Variants in STRN observed in about 807,000 individuals in gnomAD.
STRN encodes striatin.
A neutral mutation model predicts 96.3 loss-of-function variants in STRN; 53 were observed. That is an observed-to-expected ratio of 0.55 (90% CI 0.44 to 0.69). The LOEUF (loss-of-function observed/expected upper bound fraction) is 0.69, where lower values mean the gene tolerates loss of function less well. Among genes scored for constraint, STRN ranks in the 30% least tolerant of loss-of-function variants. The probability of loss-of-function intolerance (pLI) is 0.00; values close to 1 mark genes in which losing one functional copy is unlikely to be tolerated. For missense variants in STRN, 987 were observed against 963.9 expected, an observed-to-expected ratio of 1.02 and a Z score of -0.32; for synonymous variants, 428 against 355.9, an observed-to-expected ratio of 1.20 and a Z score of -2.28.
intron 6 of STRN, among the ~76,000 whole-genome samples, chr2:36,898,632 A>C (rs905313154): frequency 1.3e-5 from 2 of 152,222 alleles, no homozygotes; most frequent in Non-Finnish European, 2.9e-5. Flanking sequence ...GCTATTTATA[A>C]CAATCCTCAT....
intron 8 of STRN, among the ~76,000 whole-genome samples, chr2:36,885,640 G>T (rs141991966): frequency 6.6e-6 from 1 of 152,006 alleles, no homozygotes; most frequent in Admixed American, 6.6e-5. Flanking sequence ...CTAAACGCTT[G>T]TAATTTCTAA....
rs1299969382 is a variant in STRN at position 36,839,970 on chromosome 2, TTA to T, written c.*9484_*9485del. On this transcript the variant is annotated 3_prime_UTR_variant, in exon 18 of 18. Transcript: ENST00000263918. ...AAAGACAGAGATGTTCCTAGGAGAG[TTA>T]ATAAACATTGGTACAATTACTATAA... 3.3e-5 allele frequency: 5 copies of T among 151,946 alleles called. No homozygotes were observed. Among genetic ancestry groups the T allele is most frequent in the Admixed American group, 2.0e-4 (3 of 15,244 alleles). 9.4% of individuals were successfully genotyped at this position (151,946 alleles called of 1,614,324 possible).
At chr2:36,946,200 GAA>G (rs1326932919) in intron 1 of STRN, among the ~76,000 whole-genome samples, 2 of 149,932 alleles carry the variant, frequency 1.3e-5, no homozygotes, top group East Asian at 3.9e-4. Context: ...GAAAATACTA[GAA>G]AAAGAGAGGT....
rs982528476 is a variant in STRN at position 36,841,317 on chromosome 2, C to T, written c.*8139G>A. The T allele has an allele frequency of 1.3e-5, 2 of 151,982 alleles. No homozygotes were observed. Among genetic ancestry groups the T allele is most frequent in the Admixed American group, 1.3e-4 (2 of 15,242 alleles). The allele number at this position is 151,982 out of a possible 1,614,324, so 9.4% of individuals were successfully genotyped here. On this transcript the variant is annotated 3_prime_UTR_variant, in exon 18 of 18. Coordinates refer to ENST00000263918, the MANE Select transcript of STRN (RefSeq NM_003162.4). The stretch of plus-strand genomic sequence containing the variant: ...CCCTGAGATATACAAGGAAACTGAA[C>T]AAATACCAGGCAGCAAAATACTGAG...
At chr2:36,942,542 T>C (rs1670871536) in intron 1 of STRN, among the ~76,000 whole-genome samples, 1 of 152,194 alleles carries the variant, frequency 6.6e-6, no homozygotes, top group South Asian at 2.1e-4. Flanking sequence ...TTTAAAAAGA[T>C]TTCCCATGGA....
chr2:36,894,250 A>G (rs1669481706), intron 6 of STRN, among the ~76,000 whole-genome samples: 1 of 152,236 alleles, frequency 6.6e-6, no homozygotes. Flanking sequence ...GCTTGTTTTA[A>G]GTAAACTAAC....
At chr2:36,872,123 T>C (rs961896008) in intron 10 of STRN, among the ~76,000 whole-genome samples, 8 of 152,224 alleles carry the variant, frequency 5.3e-5, no homozygotes, top group South Asian at 2.1e-4. Flanking sequence ...CACTTCCTTA[T>C]AGGTAAACCT....
At chr2:36,954,851 C>A (rs948443107) in intron 1 of STRN, among the ~76,000 whole-genome samples, 2 of 152,006 alleles carry the variant, frequency 1.3e-5, no homozygotes, top group Admixed American at 6.6e-5. Context: ...GTTAGCTGGG[C>A]TGGTCTCAAA....
intron 5 of STRN, among the ~76,000 whole-genome samples, chr2:36,901,766 AGGC>A (rs1669689841): frequency 6.6e-6 from 1 of 152,200 alleles, no homozygotes; most frequent in African/African-American, 2.4e-5. Context: ...ATACATTTTA[AGGC>A]TCCAAGGAAC....
At chr2:36,881,805 T>C (rs574155744) in intron 9 of STRN, among the ~76,000 whole-genome samples, 1 of 152,240 alleles carries the variant, frequency 6.6e-6, no homozygotes, top group Non-Finnish European at 1.5e-5. Flanking sequence ...TGGCCTGAGA[T>C]GAAATCTGAT....
At chr2:36,950,221 T>TTTG (rs1664721006) in intron 1 of STRN, among the ~76,000 whole-genome samples, 1 of 146,052 alleles carries the variant, frequency 6.8e-6, no homozygotes, top group Admixed American at 6.8e-5. Flanking sequence ...TTGTTTTTTT[T>TTTG]TTTTTTTTTT....
intron 6 of STRN, among the ~76,000 whole-genome samples, chr2:36,897,434 A>AAAT (rs1308930212): frequency 6.7e-6 from 1 of 148,898 alleles, no homozygotes; most frequent in East Asian, 1.9e-4. Flanking sequence ...AAAACTAAAA[A>AAAT]ATATATATAT....
intron 10 of STRN, among the ~76,000 whole-genome samples, chr2:36,875,879 G>A (rs1299530256): frequency 6.6e-5 from 10 of 152,076 alleles, no homozygotes; most frequent in East Asian, 1.9e-4. Flanking sequence ...GGATGGTCTC[G>A]ATCTCTTGAC....
At chr2:36,931,125 G>A (rs1418051510) in intron 1 of STRN, among the ~76,000 whole-genome samples, 4 of 151,560 alleles carry the variant, frequency 2.6e-5, no homozygotes, top group African/African-American at 4.9e-5. Flanking sequence ...GTGAGCTATC[G>A]CGTCCAGCCC....
rs770245985 is a variant in STRN, at chr2:36,839,092, A to G, written c.*10364T>C. The stretch of plus-strand genomic sequence containing the variant: ...TTTGTATGAATAATTAGAAAGATAC[A>G]TATCAGGGAGGTAGGAATGAAGGGG... On this transcript the variant is annotated 3_prime_UTR_variant, in exon 18 of 18. Transcript: ENST00000263918. 7.9e-5 allele frequency among the ~76,000 whole-genome samples: 12 copies of G among 152,358 alleles called. No individual in the cohort carries two copies. The highest frequency in any genetic ancestry group is 2.0e-4 in the Admixed American group (3 of 15,302).
chr2:36,906,295 T>C (rs1669817255), intron 3 of STRN, among the ~76,000 whole-genome samples: 1 of 150,940 alleles, frequency 6.6e-6, no homozygotes, highest in African/African-American at 2.4e-5. Flanking sequence ...GTAAACCCTG[T>C]CTCTACAAAA....
intron 9 of STRN, 84 bp downstream of exon 9, chr2:36,883,848 T>A (rs1669141863): frequency 1.5e-5 from 19 of 1,231,142 alleles, no homozygotes; most frequent in Non-Finnish European, 1.8e-5. Context: ...AAGTTCTCTC[T>A]AATAGGAGAG....
intron 16 of STRN, among the ~76,000 whole-genome samples, 161 bp downstream of exon 16, chr2:36,850,839 A>T (rs1453782672): frequency 3.3e-5 from 5 of 152,138 alleles, no homozygotes. Flanking sequence ...TAGTCTTAGC[A>T]GATTTGGATA....
Position 36,916,150 on chromosome 2 carries a change from C to A in STRN, c.340G>T (p.Ala114Ser), listed in dbSNP as rs1335700182. The change falls in exon 3 of 18, where the codon GCC (alanine) becomes TCC (serine). Residue 114 changes from alanine to serine, a missense_variant and splice_region_variant. Ala to Ser is a moderately conservative substitution (Grantham distance 99). Transcript: ENST00000263918. ...CCGTATTTCAACTTGTGGTATTTGG[C>A]TCTAACAAAGAAATGAGAAAATACA... is the stretch of plus-strand genomic sequence containing the variant. ...MLEYALKQER[A>S]KYHKLKYGTE... is the part of the protein sequence containing the mutation. The A allele has an allele frequency of 6.2e-7, 1 of 1,612,478 alleles. No individual in the cohort carries two copies. Among genetic ancestry groups the A allele is most frequent in the Non-Finnish European group, 8.5e-7 (1 of 1,178,976 alleles).
Sources: allele counts gnomAD v4.1 joint callset (sites outside exome capture counted in the v4.1 genomes callset), GRCh38; gene constraint gnomAD v4.1.1; transcripts MANE v1.5; gene names NCBI Gene and HGNC (gene_info 2026-07-23, HGNC 2026-07-21).